PIK3AP1: variants seen among roughly 807,000 people sequenced by gnomAD.
PIK3AP1 encodes the protein phosphoinositide 3-kinase adapter protein 1.
A neutral mutation model predicts 88.1 loss-of-function variants in PIK3AP1; 21 were observed. The ratio of observed to expected loss-of-function variants is 0.24; its 90% CI spans 0.17 to 0.34. The LOEUF is 0.34. PIK3AP1 is among the 10% of genes least tolerant of loss of function. The pLI is 1.00. For synonymous variants in PIK3AP1, 398 were observed against 400.0 expected (o/e 1.00, Z 0.06); for missense variants, 828 against 1,035.7 (o/e 0.80, Z 2.75).
intron 7 of PIK3AP1, among the ~76,000 whole-genome samples, chr10:96,646,649 C>T (rs1479185763): frequency 6.6e-6 from 1 of 152,156 alleles, no homozygotes; most frequent in African/African-American, 2.4e-5. Flanking sequence ...GCAGTCTCCT[C>T]CAAACTGTCA....
At chr10:96,711,739 ATTTTTTTTTTTT>A (rs763923650) in intron 1 of PIK3AP1, among the ~76,000 whole-genome samples, 23 of 66,426 alleles carry the variant, frequency 3.5e-4, no homozygotes, top group Admixed American at 1.7e-3. Flanking sequence ...AGATTACCAA[ATTTTTTTTTTTT>A]TTTTTTTTTT....
chr10:96,686,281 T>A (rs535336225), intron 2 of PIK3AP1, among the ~76,000 whole-genome samples: 1 of 152,288 alleles, frequency 6.6e-6, no homozygotes, highest in South Asian at 2.1e-4. Flanking sequence ...GCCAGCCAAC[T>A]AAACAGCATT....
intron 1 of PIK3AP1, among the ~76,000 whole-genome samples, chr10:96,714,994 A>G (rs765283423): frequency 6.6e-6 from 1 of 151,832 alleles, no homozygotes; most frequent in Non-Finnish European, 1.5e-5. Flanking sequence ...TGGCTGTGTC[A>G]AGTGAGTTCT....
intron 2 of PIK3AP1, among the ~76,000 whole-genome samples, chr10:96,659,776 C>A (rs201299756): frequency 6.7e-6 from 1 of 149,042 alleles, no homozygotes; most frequent in Admixed American, 6.7e-5. Context: ...AAGTAAAAAA[C>A]CTGACTAAAT....
At chr10:96,650,450 G>GTTT (rs760048462) in intron 6 of PIK3AP1, among the ~76,000 whole-genome samples, 5 of 152,204 alleles carry the variant, frequency 3.3e-5, no homozygotes, top group Non-Finnish European at 5.9e-5. Context: ...CATGTCACAT[G>GTTT]TGCACAAGAG....
intron 13 of PIK3AP1, among the ~76,000 whole-genome samples, chr10:96,614,303 C>A (rs527583465): frequency 6.6e-6 from 1 of 151,992 alleles, no homozygotes; most frequent in South Asian, 2.1e-4. Context: ...TATCTTTGGG[C>A]GCATGGACTC....
intron 2 of PIK3AP1, among the ~76,000 whole-genome samples, chr10:96,695,411 A>C (rs762354753): frequency 1.1e-4 from 17 of 152,212 alleles, no homozygotes; most frequent in Non-Finnish European, 2.1e-4. Flanking sequence ...TTAGCTGTAC[A>C]TGTAAAAAGA....
chr10:96,632,328 T>C (rs1439055801), intron 8 of PIK3AP1, among the ~76,000 whole-genome samples: 1 of 152,228 alleles, frequency 6.6e-6, no homozygotes, highest in Non-Finnish European at 1.5e-5. Flanking sequence ...AAGATGTTAA[T>C]ACTACGGGAG....
chr10:96,719,342 T>G (rs748224633), intron 1 of PIK3AP1, among the ~76,000 whole-genome samples: 2 of 152,084 alleles, frequency 1.3e-5, no homozygotes, highest in Non-Finnish European at 2.9e-5. Context: ...AACAGTGCCT[T>G]CTCCTGGCCA....
At chr10:96,648,539 GC>G in intron 7 of PIK3AP1, 119 bp downstream of exon 7, 1 of 1,091,592 alleles carries the variant, frequency 9.2e-7, no homozygotes, top group Non-Finnish European at 1.3e-6. Flanking sequence ...ACTGCCCATG[GC>G]CAGAAGAGGT....
At chr10:96,609,566 C>T (rs993360424) in intron 14 of PIK3AP1, 146 bp downstream of exon 14, 4 of 831,686 alleles carry the variant, frequency 4.8e-6, no homozygotes, top group Non-Finnish European at 7.3e-6. Context: ...CAAACAGTAA[C>T]TCGGCCCCAC....
intron 6 of PIK3AP1, among the ~76,000 whole-genome samples, chr10:96,650,374 T>C (rs893628744): frequency 2.0e-5 from 3 of 152,122 alleles, no homozygotes; most frequent in African/African-American, 7.2e-5. Flanking sequence ...AACACTACAA[T>C]AGGCATCCTG....
chr10:96,654,228 G>T (rs920719224), intron 3 of PIK3AP1, among the ~76,000 whole-genome samples: 15 of 146,540 alleles, frequency 1.0e-4, no homozygotes, highest in African/African-American at 3.6e-4. Flanking sequence ...CACTAAGCCT[G>T]CCAAATGGAC....
rs931101646 is a variant in PIK3AP1 at position 96,709,426 on chromosome 10, A to C, written c.430+141T>G. ...TGTCCTGCCCCTATCCCACCCCAGA[A>C]ATAGGCTGCTCTAAACCCATAAATA... On this transcript the variant is annotated intron_variant, in intron 2 of 16. Coordinates refer to ENST00000339364, the MANE Select transcript of PIK3AP1 (RefSeq NM_152309.3). The C allele has an allele frequency of 2.9e-6, 3 of 1,034,768 alleles. No individual in the cohort carries two copies. The African/African-American group carries it at 4.8e-5, about 17-fold the overall frequency. The allele number at this position is 1,034,768 out of a possible 1,614,324, so 64.1% of individuals were successfully genotyped here.
chr10:96,648,203 G>A (rs537761308), intron 7 of PIK3AP1, among the ~76,000 whole-genome samples: 2 of 152,208 alleles, frequency 1.3e-5, no homozygotes, highest in Non-Finnish European at 2.9e-5. Flanking sequence ...CTGAAGGCGG[G>A]TGAGGCAGCT....
At chr10:96,654,296 G>A (rs1340935939) in intron 3 of PIK3AP1, among the ~76,000 whole-genome samples, 1 of 152,088 alleles carries the variant, frequency 6.6e-6, no homozygotes, top group Non-Finnish European at 1.5e-5. Flanking sequence ...AACTGGTGAG[G>A]GCAGGCTCTC....
intron 2 of PIK3AP1, among the ~76,000 whole-genome samples, chr10:96,697,037 C>A (rs1201315293): frequency 6.6e-6 from 1 of 152,140 alleles, no homozygotes; most frequent in Non-Finnish European, 1.5e-5. Flanking sequence ...TACAGAGTGG[C>A]CAAGTGAATT....
chr10:96,615,259 G>A (rs912472405), intron 13 of PIK3AP1, among the ~76,000 whole-genome samples: 1 of 152,168 alleles, frequency 6.6e-6, no homozygotes, highest in Non-Finnish European at 1.5e-5. Context: ...CTTGTAGGCT[G>A]TGAGCAGGAA....
chr10:96,656,833 G>A lies in PIK3AP1; in HGVS notation c.532C>T (p.Leu178=), dbSNP rs760367929. 1 of 1,613,996 alleles carries A rather than the reference G, an allele frequency of 6.2e-7. No individual in the cohort carries two copies. The highest frequency in any genetic ancestry group is 8.5e-7 in the Non-Finnish European group (1 of 1,180,010). Residue 178 remains leucine, a synonymous_variant, in exon 3 of 17, where the codon CTG becomes TTG. Transcript: ENST00000339364. ...ATGCGGTCCGGCTGCACCACCATCA[G>A]GTTCCCAGGTGAAGTCACCGTCGGC... ...NLPTVTSPGN[L]MVVQPDRIRC... is the part of the protein sequence containing the mutation.
Sources: allele counts gnomAD v4.1 joint callset (sites outside exome capture counted in the v4.1 genomes callset), GRCh38; gene constraint gnomAD v4.1.1; transcripts MANE v1.5; gene names NCBI Gene and HGNC (gene_info 2026-07-23, HGNC 2026-07-21).